Variants in NSMCE2 observed in about 807,000 individuals in gnomAD.
NSMCE2 encodes the protein NSE2 SUMO ligase component of SMC5/6 complex.
Under a neutral mutation model 23.8 loss-of-function variants are expected in NSMCE2, and 24 were observed. The ratio of observed to expected loss-of-function variants is 1.01; its 90% CI spans 0.73 to 1.42. The LOEUF is 1.42. Among genes scored for constraint, NSMCE2 ranks in the 40% most tolerant of loss-of-function variants. NSMCE2 has a pLI of 0.00. For synonymous variants in NSMCE2, 92 were observed against 94.1 expected, an observed-to-expected ratio of 0.98 and a Z score of 0.13; for missense variants, 284 against 296.5, an observed-to-expected ratio of 0.96 and a Z score of 0.31.
chr8:125,327,049 G>A (rs559954100), intron 5 of NSMCE2, among the ~76,000 whole-genome samples: 2 of 151,642 alleles, frequency 1.3e-5, no homozygotes, highest in East Asian at 3.9e-4. Flanking sequence ...GATCACCTGA[G>A]GTCAGGAGTT....
At chr8:125,254,551 T>C (rs924065028) in intron 5 of NSMCE2, among the ~76,000 whole-genome samples, 1 of 152,226 alleles carries the variant, frequency 6.6e-6, no homozygotes, top group Admixed American at 6.5e-5. Context: ...TGCCATTTTT[T>C]ATATAACTGA....
intron 3 of NSMCE2, among the ~76,000 whole-genome samples, chr8:125,134,832 A>G (rs1819981333): frequency 6.7e-6 from 1 of 149,206 alleles, no homozygotes; most frequent in Non-Finnish European, 1.5e-5. Flanking sequence ...GCCTCCAGTG[A>G]TCTTCCTGTC....
chr8:125,166,010 A>G (rs1821857650), intron 4 of NSMCE2, among the ~76,000 whole-genome samples: 1 of 152,130 alleles, frequency 6.6e-6, no homozygotes, highest in South Asian at 2.1e-4. Flanking sequence ...TAATTTCATA[A>G]TCTTTATTGT....
intron 3 of NSMCE2, among the ~76,000 whole-genome samples, chr8:125,150,921 C>T (rs770426962): frequency 2.0e-5 from 3 of 152,144 alleles, no homozygotes; most frequent in Admixed American, 6.5e-5. Context: ...TTCTTCTTTC[C>T]AACCTACCAC....
At chr8:125,096,068 G>A (rs1195493670) in intron 1 of NSMCE2, among the ~76,000 whole-genome samples, 5 of 152,146 alleles carry the variant, frequency 3.3e-5, no homozygotes, top group South Asian at 4.1e-4. Flanking sequence ...TTTCCTCCAA[G>A]CAGTGATGTA....
intron 4 of NSMCE2, among the ~76,000 whole-genome samples, chr8:125,177,739 A>G (rs539093599): frequency 1.3e-5 from 2 of 152,156 alleles, no homozygotes; most frequent in Admixed American, 6.5e-5. Context: ...AAGGACAAGC[A>G]CTTCTCTAAT....
At chr8:125,343,850 A>T (rs1327363838) in intron 5 of NSMCE2, among the ~76,000 whole-genome samples, 1 of 151,236 alleles carries the variant, frequency 6.6e-6, no homozygotes, top group Non-Finnish European at 1.5e-5. Context: ...AGAAAAATAA[A>T]AAAAAATTAG....
At chr8:125,210,588 C>T (rs2891626) in intron 5 of NSMCE2, among the ~76,000 whole-genome samples, 1 of 152,186 alleles carries the variant, frequency 6.6e-6, no homozygotes, top group African/African-American at 2.4e-5. Context: ...CTTTCTCTTT[C>T]TGGTCCATCT....
intron 5 of NSMCE2, among the ~76,000 whole-genome samples, chr8:125,276,249 C>T (rs2131107979): frequency 6.6e-6 from 1 of 152,304 alleles, no homozygotes; most frequent in East Asian, 1.9e-4. Context: ...TCCAGGAAGC[C>T]CTTAGCCAAT....
chr8:125,107,022 T>A lies in NSMCE2; in HGVS notation c.157+4535T>A, dbSNP rs192140490. 8.1e-4 allele frequency among the ~76,000 whole-genome samples: 123 copies of A among 152,060 alleles called. 1 individual carries two copies. The highest frequency in any genetic ancestry group is 3.0e-3 in the Admixed American group (46 of 15,262). On this transcript the variant is annotated intron_variant, in intron 3 of 7. Coordinates refer to ENST00000287437, the MANE Select transcript of NSMCE2 (RefSeq NM_173685.4). ...AAAAAAAAACAACAAAAAAAAACTT[T>A]CATTTTACCATTAGCAACAAATGCT...
At chr8:125,323,226 C>T (rs752105898) in intron 5 of NSMCE2, among the ~76,000 whole-genome samples, 10 of 152,084 alleles carry the variant, frequency 6.6e-5, no homozygotes, top group East Asian at 1.9e-4. Context: ...CAATTCTCAC[C>T]GAATTGATCT....
rs570035331 is a variant in NSMCE2 at position 125,134,170 on chromosome 8, T to C, written c.158-17001T>C. 2.1e-4 allele frequency among the ~76,000 whole-genome samples: 32 copies of C among 152,350 alleles called. 1 individual carries two copies. In the East Asian group the frequency reaches 3.1e-3, roughly 15 times the overall value. ...TCTTTCATATTTGTTATGTAAAAAA[T>C]CTGTATTGATGAATGTTTTCATACT... On this transcript the variant is annotated intron_variant, in intron 3 of 7. Coordinates refer to ENST00000287437, the MANE Select transcript of NSMCE2 (RefSeq NM_173685.4).
At chr8:125,250,580 G>A (rs1826164051) in intron 5 of NSMCE2, among the ~76,000 whole-genome samples, 1 of 152,082 alleles carries the variant, frequency 6.6e-6, no homozygotes, top group Admixed American at 6.6e-5. Context: ...AATTTTTATA[G>A]CTATAATTTC....
At chr8:125,353,402 A>C (rs1813119470) in intron 5 of NSMCE2, among the ~76,000 whole-genome samples, 1 of 152,136 alleles carries the variant, frequency 6.6e-6, no homozygotes, top group Non-Finnish European at 1.5e-5. Context: ...TTACCTGTCC[A>C]ACTTTCCCGA....
chr8:125,111,480 G>A (rs1268806399), intron 3 of NSMCE2, among the ~76,000 whole-genome samples: 2 of 152,210 alleles, frequency 1.3e-5, no homozygotes, highest in Non-Finnish European at 2.9e-5. Context: ...AAAGGGATAA[G>A]CATTTTGCTT....
intron 1 of NSMCE2, among the ~76,000 whole-genome samples, chr8:125,097,877 G>A (rs1818009757): frequency 6.6e-6 from 1 of 152,118 alleles, no homozygotes; most frequent in African/African-American, 2.4e-5. Context: ...GAAAGCTTTG[G>A]ATACTGTGCT....
At chr8:125,129,867 A>G (rs1374806645) in intron 3 of NSMCE2, among the ~76,000 whole-genome samples, 1 of 152,078 alleles carries the variant, frequency 6.6e-6, no homozygotes, top group Non-Finnish European at 1.5e-5. Context: ...CCATATACCC[A>G]TACCCTCACA....
chr8:125,268,214 A>C (rs547536684), intron 5 of NSMCE2, among the ~76,000 whole-genome samples: 2 of 152,102 alleles, frequency 1.3e-5, no homozygotes, highest in African/African-American at 4.8e-5. Context: ...AGCCTGGGCA[A>C]CAAAGCAAGA....
chr8:125,248,512 G>T (rs1826080461), intron 5 of NSMCE2, among the ~76,000 whole-genome samples: 1 of 152,064 alleles, frequency 6.6e-6, no homozygotes, highest in African/African-American at 2.4e-5. Flanking sequence ...AATTAGCTGG[G>T]CATGGTGGTG....
Sources: gnomAD v4.1 joint callset for allele counts (sites outside exome capture counted in the v4.1 genomes callset) on GRCh38, gnomAD v4.1.1 for gene constraint, MANE v1.5 for transcripts, NCBI Gene and HGNC (gene_info 2026-07-23, HGNC 2026-07-21) for gene names.